Variants in SORBS2 observed in about 807,000 individuals in gnomAD.
The protein encoded by SORBS2 is sorbin and SH3 domain-containing protein 2.
A neutral mutation model predicts 97.7 loss-of-function variants in SORBS2; 46 were observed. That is an observed-to-expected ratio of 0.47 (90% CI 0.37 to 0.60). SORBS2 has a LOEUF of 0.60. Among genes scored for constraint, SORBS2 ranks in the 20% least tolerant of loss-of-function variants. The pLI, the probability that SORBS2 is intolerant of heterozygous loss-of-function variation, is 0.00. For missense variants in SORBS2, 1,316 were observed against 1,282.3 expected (o/e 1.03, Z -0.40); for synonymous variants, 476 against 473.4 (o/e 1.01, Z -0.07).
intron 2 of SORBS2, among the ~76,000 whole-genome samples, chr4:185,694,788 C>T (rs2098151701): frequency 1.4e-5 from 2 of 147,458 alleles, no homozygotes; most frequent in South Asian, 2.2e-4. Flanking sequence ...CTCACTACAA[C>T]CTCCACCTCC....
At chr4:185,651,481 A>G (rs1028072776) in intron 2 of SORBS2, among the ~76,000 whole-genome samples, 1 of 152,184 alleles carries the variant, frequency 6.6e-6, no homozygotes, top group African/African-American at 2.4e-5. Context: ...TCTTTATCTT[A>G]TTTTGTACCC....
At chr4:185,726,903 T>C (rs1056500279) in intron 2 of SORBS2, among the ~76,000 whole-genome samples, 3 of 152,148 alleles carry the variant, frequency 2.0e-5, no homozygotes, top group Non-Finnish European at 2.9e-5. Flanking sequence ...CATCTTTAAA[T>C]AGGAGACACA....
chr4:185,702,702 C>A (rs539164844), intron 2 of SORBS2, among the ~76,000 whole-genome samples: 5 of 151,676 alleles, frequency 3.3e-5, no homozygotes, highest in Non-Finnish European at 4.4e-5. Context: ...CGGTGTTAAG[C>A]CTTGTGTGGG....
At chr4:185,928,644 C>T (rs1187310334) in intron 1 of SORBS2, among the ~76,000 whole-genome samples, 3 of 152,052 alleles carry the variant, frequency 2.0e-5, no homozygotes, top group African/African-American at 4.8e-5. Context: ...CTCCTGGGTT[C>T]ATGCCATTCT....
chr4:185,657,366 C>A (rs570516084), upstream of SORBS2: 3 of 1,427,772 alleles, frequency 2.1e-6, no homozygotes, highest in South Asian at 3.2e-5. Context: ...GTGGACAATC[C>A]GTCCTTTGTG....
In SORBS2 at chr4:185,606,954, G is replaced by T; in HGVS notation, c.2796+4826C>A. 1 of 992,840 alleles carries T rather than the reference G, an allele frequency of 1.0e-6. No homozygotes were observed. Among genetic ancestry groups the T allele is most frequent in the Non-Finnish European group, 1.2e-6 (1 of 834,158 alleles). The allele number at this position is 992,840 out of a possible 1,614,324, so 61.5% of individuals were successfully genotyped here. A position where few individuals can be genotyped will look rare whatever the true frequency, so the allele number is the denominator to read the frequency against. ...TTCTCATTTTTCTCAACTCTGCAAA[G>T]TTGCTTTGAGTTGTCGTTCTGGGAT... On this transcript the variant is annotated intron_variant, in intron 12 of 14. Coordinates refer to ENST00000418609, the Ensembl canonical transcript of SORBS2. The surrounding 1 kb of genome is among the most constrained non-coding windows in gnomAD (Gnocchi z 4.3).
chr4:185,779,161 A>G (rs113727236), intron 1 of SORBS2, among the ~76,000 whole-genome samples: 3 of 146,268 alleles, frequency 2.1e-5, no homozygotes, highest in African/African-American at 7.6e-5. Flanking sequence ...TGAACCTTTC[A>G]GAAAACTTTT....
intron 2 of SORBS2, among the ~76,000 whole-genome samples, chr4:185,727,736 A>G (rs1202239257): frequency 3.9e-5 from 6 of 152,218 alleles, no homozygotes. Context: ...TTTTGATACG[A>G]CCAGGTTTGC....
intron 1 of SORBS2, 57 bp from the exon 10 acceptor site, chr4:185,652,785 TCA>T: frequency 8.3e-7 from 1 of 1,207,822 alleles, no homozygotes; most frequent in Non-Finnish European, 1.2e-6. Context: ...ACATCGCTTC[TCA>T]GTGTTTTCAT....
intron 4 of SORBS2, among the ~76,000 whole-genome samples, chr4:185,630,808 T>A (rs983070422): frequency 6.6e-6 from 1 of 152,218 alleles, no homozygotes; most frequent in African/African-American, 2.4e-5. Context: ...TCTGATATAA[T>A]GCATTGCAGT....
At chr4:185,629,768 G>A (rs534454253) in intron 5 of SORBS2, among the ~76,000 whole-genome samples, 89 of 151,996 alleles carry the variant, frequency 5.9e-4, no homozygotes, top group Middle Eastern at 3.4e-3. Flanking sequence ...TCACCATGAT[G>A]GCCAGGATGG....
At chr4:185,937,891 C>T (rs781123055) in intron 1 of SORBS2, among the ~76,000 whole-genome samples, 1 of 152,130 alleles carries the variant, frequency 6.6e-6, no homozygotes, top group Non-Finnish European at 1.5e-5. Context: ...GTTGGAATAT[C>T]TTCTCCTCTC....
rs150098180 is a variant in SORBS2 at position 185,835,724 on chromosome 4, C to T, written c.-337-60358G>A. Among the ~76,000 whole-genome samples the T allele has an allele frequency of 6.0e-3, 900 of 148,836 alleles. 15 individuals carry two copies. Among genetic ancestry groups the T allele is most frequent in the African/African-American group, 0.022 (870 of 40,278 alleles). The stretch of plus-strand genomic sequence containing the variant: ...GACTAAGTATTAGGAAACCTTTAGC[C>T]AGTTTATCTCCTCTCAGCAACCAAC... On this transcript the variant is annotated intron_variant, in intron 1 of 20. Coordinates refer to the SORBS2 transcript ENST00000284776.
intron 7 of SORBS2, among the ~76,000 whole-genome samples, chr4:185,620,685 A>ACTCTCCCCTCTTCGCTCTTC (rs2096706554): frequency 6.6e-6 from 1 of 151,284 alleles, no homozygotes; most frequent in Admixed American, 6.6e-5. Flanking sequence ...CTTCTGCCTT[A>ACTCTCCCCTCTTCGCTCTTC]CTCTCCCCTC....
chr4:185,886,620 T>C (rs1414211975), intron 1 of SORBS2, among the ~76,000 whole-genome samples: 1 of 148,910 alleles, frequency 6.7e-6, no homozygotes, highest in Non-Finnish European at 1.5e-5. Flanking sequence ...TGTGGCCTGG[T>C]CTGGTTCTGC....
chr4:185,890,150 G>T (rs775327261), intron 1 of SORBS2, among the ~76,000 whole-genome samples: 1 of 152,162 alleles, frequency 6.6e-6, no homozygotes, highest in African/African-American at 2.4e-5. Context: ...GCCTCCCAAA[G>T]TTCTGGGATT....
intron 1 of SORBS2, among the ~76,000 whole-genome samples, chr4:185,801,089 T>G (rs937338397): frequency 6.6e-5 from 10 of 152,246 alleles, no homozygotes; most frequent in African/African-American, 2.4e-4. Flanking sequence ...TCTGTTTCTA[T>G]GAGTTCAACA....
intron 2 of SORBS2, among the ~76,000 whole-genome samples, chr4:185,724,777 A>G (rs2098543860): frequency 6.6e-6 from 1 of 152,132 alleles, no homozygotes; most frequent in Non-Finnish European, 1.5e-5. Flanking sequence ...CTGGATGTAG[A>G]ATTTCCCTGA....
intron 2 of SORBS2, among the ~76,000 whole-genome samples, chr4:185,736,134 C>G (rs1197961375): frequency 6.6e-6 from 1 of 152,204 alleles, no homozygotes; most frequent in East Asian, 1.9e-4. Context: ...CGCGAGGGAC[C>G]CTTGTCATCA....
Sources: gnomAD v4.1 joint callset for allele counts (sites outside exome capture counted in the v4.1 genomes callset) on GRCh38, gnomAD v4.1.1 for gene constraint, Gnocchi (gnomAD v3.1) non-coding constraint, MANE v1.5 for transcripts, NCBI Gene and HGNC (gene_info 2026-07-23, HGNC 2026-07-21) for gene names.